Variants in LDLRAD3 observed in about 807,000 individuals in gnomAD.
The protein encoded by LDLRAD3 is low-density lipoprotein receptor class A domain-containing protein 3.
In LDLRAD3, 20 loss-of-function variants were observed where a neutral mutation model predicts 29.4. The ratio of observed to expected loss-of-function variants is 0.68; its 90% confidence interval spans 0.48 to 0.99. The LOEUF (loss-of-function observed/expected upper bound fraction) is 0.99, where lower values mean the gene tolerates loss of function less well. Ranked by LOEUF, LDLRAD3 falls within the 50% of genes least tolerant of loss-of-function variation. The pLI is 0.00. For missense variants in LDLRAD3, 420 were observed against 454.3 expected, an observed-to-expected ratio of 0.92 and a Z score of 0.69; for synonymous variants, 157 against 192.7, an observed-to-expected ratio of 0.81 and a Z score of 1.53.
At chr11:36,021,605 G>C (rs2133197877) in intron 1 of LDLRAD3, among the ~76,000 whole-genome samples, 1 of 152,310 alleles carries the variant, frequency 6.6e-6, no homozygotes, top group African/African-American at 2.4e-5. Context: ...GAACCGGACA[G>C]ATGGCAAGGG....
chr11:36,204,495 TTTC>T (rs1003392039), intron 4 of LDLRAD3, among the ~76,000 whole-genome samples: 12 of 57,742 alleles, frequency 2.1e-4, no homozygotes, highest in Non-Finnish European at 3.6e-4. Context: ...TTTCTCTCTC[TTTC>T]TTTTTTTTTT....
intron 4 of LDLRAD3, among the ~76,000 whole-genome samples, chr11:36,216,916 G>A (rs572049691): frequency 6.6e-6 from 1 of 152,338 alleles, no homozygotes; most frequent in South Asian, 2.1e-4. Context: ...GGACAGAGGA[G>A]AGGAGGGAGC....
At position 36,098,407 on chromosome 11, in the gene LDLRAD3, G is replaced by A. The variant is rs775910416; in HGVS notation, c.400G>A (p.Gly134Arg). Reference protein sequence around the residue: ...LCIDKSFICDGQNNCQDNSDE... With the variant: ...LCIDKSFICDRQNNCQDNSDE... ...TATTGACAAGAGCTTCATCTGCGAT[G>A]GACAGAATAACTGTCAAGACAACAG... Residue 134 changes from glycine to arginine, a missense_variant, in exon 4 of 6, where the codon GGA (glycine) becomes AGA (arginine). By Grantham distance (125) the Gly-to-Arg change is moderately radical. Transcript: ENST00000315571. 2 of 1,614,152 alleles carry A rather than the reference G, an allele frequency of 1.2e-6. No individual in the cohort carries two copies. Among genetic ancestry groups the A allele is most frequent in the Non-Finnish European group, 1.7e-6 (2 of 1,180,008 alleles).
intron 4 of LDLRAD3, among the ~76,000 whole-genome samples, chr11:36,159,024 A>C (rs150080001): frequency 1.3e-5 from 2 of 152,304 alleles, no homozygotes; most frequent in East Asian, 3.9e-4. Flanking sequence ...CAGTTTTTCT[A>C]ATTGTAATTT....
At chr11:36,047,846 C>T (rs78481010) in intron 2 of LDLRAD3, among the ~76,000 whole-genome samples, 4,746 of 152,226 alleles carry the variant, frequency 0.031, 235 homozygotes, top group Admixed American at 0.13. Flanking sequence ...ACAGAGGAAG[C>T]ACACAATCAA....
intron 2 of LDLRAD3, among the ~76,000 whole-genome samples, chr11:36,052,384 A>T (rs1379744276): frequency 6.6e-6 from 1 of 152,244 alleles, no homozygotes; most frequent in Non-Finnish European, 1.5e-5. Context: ...AGATGACTTT[A>T]TCTGAGCCAG....
intron 1 of LDLRAD3, among the ~76,000 whole-genome samples, chr11:36,025,636 G>A (rs1159866351): frequency 2.6e-5 from 4 of 151,756 alleles, no homozygotes; most frequent in African/African-American, 9.7e-5. Flanking sequence ...TGATCTGCCC[G>A]CCTCGGCCTC....
chr11:36,103,887 C>G (rs910959492), intron 4 of LDLRAD3, among the ~76,000 whole-genome samples: 1 of 152,180 alleles, frequency 6.6e-6, no homozygotes, highest in Non-Finnish European at 1.5e-5. Flanking sequence ...CTTTTTAAAG[C>G]TGAGTGGTAT....
chr11:36,131,598 T>C (rs1358728161), intron 4 of LDLRAD3, among the ~76,000 whole-genome samples: 1 of 152,244 alleles, frequency 6.6e-6, no homozygotes, highest in Non-Finnish European at 1.5e-5. Flanking sequence ...AAAAAAATTA[T>C]GGTGAAATAT....
intron 2 of LDLRAD3, among the ~76,000 whole-genome samples, chr11:36,052,635 ATC>A (rs1852545306): frequency 6.6e-6 from 1 of 152,122 alleles, no homozygotes; most frequent in Admixed American, 6.6e-5. Context: ...ACATTATTTA[ATC>A]TCTCTGTGCC....
At chr11:36,200,997 C>T (rs1855119247) in intron 4 of LDLRAD3, among the ~76,000 whole-genome samples, 1 of 152,130 alleles carries the variant, frequency 6.6e-6, no homozygotes, top group Admixed American at 6.6e-5. Flanking sequence ...GAACAGAGTG[C>T]AGTAACAGAG....
At chr11:36,210,813 G>A (rs1855274830) in intron 4 of LDLRAD3, among the ~76,000 whole-genome samples, 1 of 152,228 alleles carries the variant, frequency 6.6e-6, no homozygotes, top group African/African-American at 2.4e-5. Flanking sequence ...TTGAGACCAA[G>A]TTTGCCATTT....
intron 4 of LDLRAD3, among the ~76,000 whole-genome samples, chr11:36,175,916 C>T (rs2133352780): frequency 6.6e-6 from 1 of 152,238 alleles, no homozygotes; most frequent in East Asian, 1.9e-4. Context: ...TGAAGTCCCC[C>T]ACTATTATTG....
chr11:35,967,679 G>A (rs1198757033), intron 1 of LDLRAD3: 1 of 470,246 alleles, frequency 2.1e-6, no homozygotes, highest in African/African-American at 2.0e-5. Flanking sequence ...GGTTTTACAA[G>A]GTTTCATGTC....
intron 4 of LDLRAD3, among the ~76,000 whole-genome samples, chr11:36,116,147 A>G (rs1853670653): frequency 6.6e-6 from 1 of 152,196 alleles, no homozygotes; most frequent in African/African-American, 2.4e-5. Context: ...TGTGAGTTCC[A>G]TTCCCCATGG....
intron 2 of LDLRAD3, among the ~76,000 whole-genome samples, chr11:36,071,817 G>A (rs577774196): frequency 1.9e-3 from 287 of 152,296 alleles, no homozygotes; most frequent in African/African-American, 6.8e-3. Context: ...AGCTTGTTAG[G>A]AATGCAGGAT....
chr11:36,210,272 C>G (rs557468856), intron 4 of LDLRAD3, among the ~76,000 whole-genome samples: 220 of 152,270 alleles, frequency 1.4e-3, no homozygotes, highest in Middle Eastern at 0.01. Context: ...TCACATCAGA[C>G]GGTGTAGGTC....
chr11:36,177,402 T>C (rs1854694583), intron 4 of LDLRAD3, among the ~76,000 whole-genome samples: 1 of 152,212 alleles, frequency 6.6e-6, no homozygotes, highest in African/African-American at 2.4e-5. Context: ...TGCTTTGTCA[T>C]ATTACCAGAA....
intron 3 of LDLRAD3, among the ~76,000 whole-genome samples, chr11:36,089,376 G>A (rs1016253323): frequency 2.0e-5 from 3 of 152,254 alleles, no homozygotes; most frequent in Middle Eastern, 3.4e-3. Context: ...AACCTAGGCG[G>A]TATAAATACA....
Sources: allele counts gnomAD v4.1 joint callset (sites outside exome capture counted in the v4.1 genomes callset), GRCh38; gene constraint gnomAD v4.1.1; transcripts MANE v1.5; gene names NCBI Gene and HGNC (gene_info 2026-07-23, HGNC 2026-07-21).